The following RAPGEF4 variants were observed in gnomAD, a reference collection of about 807,000 sequenced individuals.
RAPGEF4 encodes the protein Rap guanine nucleotide exchange factor 4.
Under a neutral mutation model 147.9 loss-of-function variants are expected in RAPGEF4, and 66 were observed. That is an observed-to-expected ratio of 0.45 (90% CI 0.37 to 0.55). The LOEUF is 0.55. RAPGEF4 is among the 20% of genes least tolerant of loss of function. RAPGEF4 has a pLI of 0.00. For missense variants in RAPGEF4, 1,071 were observed against 1,257.3 expected (o/e 0.85, Z 2.24); for synonymous variants, 419 against 442.7 (o/e 0.95, Z 0.67).
intron 4 of RAPGEF4, among the ~76,000 whole-genome samples, chr2:172,889,201 C>T (rs1697595294): frequency 6.6e-6 from 1 of 152,010 alleles, no homozygotes; most frequent in African/African-American, 2.4e-5. Context: ...GAGTGTGGCA[C>T]TCATTTTTTT....
chr2:172,972,684 C>T (rs1198868162), intron 10 of RAPGEF4, among the ~76,000 whole-genome samples: 1 of 152,166 alleles, frequency 6.6e-6, no homozygotes, highest in Non-Finnish European at 1.5e-5. Context: ...TGGCCTGAAA[C>T]CAGCCATTGG....
At chr2:172,840,447 T>C (rs1163638870) in intron 4 of RAPGEF4, among the ~76,000 whole-genome samples, 4 of 152,192 alleles carry the variant, frequency 2.6e-5, no homozygotes, top group Admixed American at 6.5e-5. Context: ...ATTCTACCCA[T>C]TGGGTGATCA....
intron 6 of RAPGEF4, among the ~76,000 whole-genome samples, chr2:172,959,910 C>G (rs188555320): frequency 2.0e-5 from 3 of 152,172 alleles, no homozygotes; most frequent in East Asian, 3.9e-4. Flanking sequence ...GGCAACATAT[C>G]GAGACCTCAT....
intron 23 of RAPGEF4, among the ~76,000 whole-genome samples, chr2:173,023,709 A>G (rs1396645980): frequency 1.3e-5 from 2 of 152,210 alleles, no homozygotes; most frequent in Non-Finnish European, 2.9e-5. Flanking sequence ...ATTTCTTAAT[A>G]TTAGACTCTT....
intron 4 of RAPGEF4, among the ~76,000 whole-genome samples, chr2:172,844,199 C>G (rs1179968390): frequency 6.6e-6 from 1 of 152,168 alleles, no homozygotes; most frequent in Admixed American, 6.5e-5. Context: ...GGAACAAGCA[C>G]AATCTCCCAA....
intron 6 of RAPGEF4, among the ~76,000 whole-genome samples, chr2:172,953,287 C>A (rs970397865): frequency 6.1e-5 from 9 of 147,020 alleles, no homozygotes; most frequent in East Asian, 2.0e-4. Context: ...ATAGTTCTCT[C>A]TATATAATTC....
chr2:173,013,644 T>G (rs1207982190), intron 17 of RAPGEF4, among the ~76,000 whole-genome samples: 1 of 152,216 alleles, frequency 6.6e-6, no homozygotes. Context: ...GGACCTTTAC[T>G]CTTGGCACAT....
chr2:173,005,520 GTTT>G (rs573596077), intron 17 of RAPGEF4, among the ~76,000 whole-genome samples: 1 of 86,736 alleles, frequency 1.2e-5, no homozygotes. Context: ...GTTGTTTTGT[GTTT>G]TTTTTTTTTT....
At chr2:172,997,828 A>C (rs560021306) in intron 16 of RAPGEF4, among the ~76,000 whole-genome samples, 1 of 152,324 alleles carries the variant, frequency 6.6e-6, no homozygotes, top group East Asian at 1.9e-4. Context: ...AGTTGAAGAT[A>C]TCATTATTAT....
At chr2:172,880,804 G>C (rs566426880) in intron 4 of RAPGEF4, among the ~76,000 whole-genome samples, 1 of 152,270 alleles carries the variant, frequency 6.6e-6, no homozygotes, top group South Asian at 2.1e-4. Context: ...CTCACAGGCT[G>C]GTTGCTAGGA....
At chr2:173,005,112 G>GT (rs925990282) in intron 17 of RAPGEF4, among the ~76,000 whole-genome samples, 3 of 95,942 alleles carry the variant, frequency 3.1e-5, no homozygotes, top group Non-Finnish European at 4.4e-5. Flanking sequence ...TATTTCCACG[G>GT]TTTTTTTCTT....
chr2:173,005,235 A>G (rs1694311737), intron 17 of RAPGEF4, among the ~76,000 whole-genome samples: 1 of 152,136 alleles, frequency 6.6e-6, no homozygotes, highest in South Asian at 2.1e-4. Flanking sequence ...GGCAAAGAAT[A>G]TGTAGTATGT....
chr2:172,807,654 C>T (rs1269029046), intron 3 of RAPGEF4, among the ~76,000 whole-genome samples: 1 of 152,146 alleles, frequency 6.6e-6, no homozygotes, highest in Non-Finnish European at 1.5e-5. Flanking sequence ...GCAAATATTG[C>T]CTGTAGGCCT....
intron 23 of RAPGEF4, among the ~76,000 whole-genome samples, chr2:173,024,949 T>G (rs1402756028): frequency 6.6e-6 from 1 of 152,228 alleles, no homozygotes; most frequent in Non-Finnish European, 1.5e-5. Context: ...GGGACCATCC[T>G]GGATGCTCAG....
At chr2:172,978,518 G>A (rs1691334918) in intron 10 of RAPGEF4, among the ~76,000 whole-genome samples, 1 of 152,312 alleles carries the variant, frequency 6.6e-6, no homozygotes, top group Admixed American at 6.5e-5. Flanking sequence ...AGGTCTCAAG[G>A]TCTTGCCTGG....
At chr2:172,796,090 C>A (rs1287782189) in intron 2 of RAPGEF4, among the ~76,000 whole-genome samples, 1 of 152,142 alleles carries the variant, frequency 6.6e-6, no homozygotes, top group African/African-American at 2.4e-5. Context: ...ATCACCAGGA[C>A]TGATTTAGAC....
At chr2:172,985,745 T>C (rs1329412116) in intron 12 of RAPGEF4, among the ~76,000 whole-genome samples, 1 of 152,196 alleles carries the variant, frequency 6.6e-6, no homozygotes, top group Non-Finnish European at 1.5e-5. Context: ...ACTGGCTCCC[T>C]ACCCTCCTGA....
chr2:172,801,368 C>T (rs565566666), intron 3 of RAPGEF4, among the ~76,000 whole-genome samples: 4 of 152,296 alleles, frequency 2.6e-5, no homozygotes, highest in East Asian at 1.9e-4. Context: ...TTCTTGCCAG[C>T]CTGCTCCTTG....
At chr2:172,863,870 G>A (rs1575073907) in intron 4 of RAPGEF4, among the ~76,000 whole-genome samples, 1 of 151,996 alleles carries the variant, frequency 6.6e-6, no homozygotes, top group East Asian at 1.9e-4. Context: ...AAAATTAATA[G>A]CAAAACCACT....
Sources: gnomAD v4.1 joint callset for allele counts (sites outside exome capture counted in the v4.1 genomes callset) on GRCh38, gnomAD v4.1.1 for gene constraint, MANE v1.5 for transcripts, NCBI Gene and HGNC (gene_info 2026-07-23, HGNC 2026-07-21) for gene names.